MYO3A: variants seen among roughly 807,000 people sequenced by gnomAD.
The protein encoded by MYO3A is myosin-IIIa.
MYO3A carries 180 observed loss-of-function variants against 192.7 expected under a neutral mutation model. That is an observed-to-expected ratio of 0.93 (90% CI 0.83 to 1.06). MYO3A has a LOEUF of 1.06. Among genes scored for constraint, MYO3A ranks in the 50% least tolerant of loss-of-function variants. The pLI, the probability that MYO3A is intolerant of heterozygous loss-of-function variation, is 0.00. For synonymous variants in MYO3A, 628 were observed against 645.3 expected (o/e 0.97, Z 0.41); for missense variants, 1,896 against 1,905.0 (o/e 1.00, Z 0.09).
intron 4 of MYO3A, among the ~76,000 whole-genome samples, chr10:25,984,377 C>T (rs1325524799): frequency 6.6e-6 from 1 of 152,128 alleles, no homozygotes; most frequent in Admixed American, 6.5e-5. Flanking sequence ...ACTCACCTAA[C>T]ACATAAGAAC....
intron 6 of MYO3A, among the ~76,000 whole-genome samples, chr10:26,008,882 A>T (rs2130988623): frequency 6.6e-6 from 1 of 151,986 alleles, no homozygotes; most frequent in Admixed American, 6.6e-5. Context: ...TACTGGGTAT[A>T]TACCCAAAGG....
intron 4 of MYO3A, among the ~76,000 whole-genome samples, chr10:25,963,064 G>T (rs370973114): frequency 1.9e-4 from 29 of 152,214 alleles, no homozygotes; most frequent in African/African-American, 6.3e-4. Context: ...TTTCACAGTG[G>T]TGCTACAGAC....
intron 20 of MYO3A, 140 bp from the exon 21 acceptor site, chr10:26,143,308 A>G: frequency 1.7e-5 from 14 of 822,270 alleles, no homozygotes; most frequent in Non-Finnish European, 2.1e-5. Flanking sequence ...TCCAGCCTGG[A>G]CGACAGAGCG....
intron 2 of MYO3A, among the ~76,000 whole-genome samples, chr10:25,944,269 T>A (rs566371084): frequency 6.6e-6 from 1 of 152,166 alleles, no homozygotes; most frequent in African/African-American, 2.4e-5. Context: ...TGGTGTATGA[T>A]CCTTTTAATA....
At chr10:26,048,715 G>A (rs547960446) in intron 10 of MYO3A, among the ~76,000 whole-genome samples, 1 of 152,288 alleles carries the variant, frequency 6.6e-6, no homozygotes, top group South Asian at 2.1e-4. Context: ...TTGTGGTCCT[G>A]CTAAATTTGA....
In MYO3A at chr10:25,952,214, T is replaced by C. The variant is rs1361542049; in HGVS notation, c.104T>C (p.Val35Ala). Residue 35 changes from valine (V) to alanine (A), a missense_variant, in exon 3 of 35, where the codon GTT becomes GCT. Physicochemically the swap from Val to Ala is moderately conservative, Grantham distance 64. Transcript: ENST00000642920. ...ATTGGCAAAGGAACTTATGGGAAAG[T>C]TTTTAAAGTATTGAATAAGAAAAAT... ...ETIGKGTYGKVFKVLNKKNGQ... is the reference protein window; with the variant it reads ...ETIGKGTYGKAFKVLNKKNGQ... 1 of 1,612,914 alleles carries C rather than the reference T, an allele frequency of 6.2e-7. No individual in the cohort carries two copies. The highest frequency in any genetic ancestry group is 8.5e-7 in the Non-Finnish European group (1 of 1,179,280).
chr10:25,958,166 C>G (rs1222845352), intron 4 of MYO3A, among the ~76,000 whole-genome samples: 1 of 152,042 alleles, frequency 6.6e-6, no homozygotes, highest in Non-Finnish European at 1.5e-5. Flanking sequence ...TTGCTGGTTC[C>G]TATGTCCAGA....
chr10:25,995,839 T>A (rs1044796890), intron 4 of MYO3A, among the ~76,000 whole-genome samples: 3 of 152,236 alleles, frequency 2.0e-5, no homozygotes, highest in Non-Finnish European at 4.4e-5. Context: ...ACAGCAAATG[T>A]TGCTGTCTGA....
intron 10 of MYO3A, among the ~76,000 whole-genome samples, chr10:26,051,603 CA>C (rs1844009614): frequency 6.8e-6 from 1 of 147,690 alleles, no homozygotes; most frequent in Non-Finnish European, 1.5e-5. Context: ...ATATATAAAA[CA>C]TTATATATTA....
At chr10:26,133,074 C>T (rs1248217077) in intron 20 of MYO3A, among the ~76,000 whole-genome samples, 1 of 152,170 alleles carries the variant, frequency 6.6e-6, no homozygotes, top group Non-Finnish European at 1.5e-5. Context: ...AAATAACCCC[C>T]TTATCAGTGT....
At chr10:25,992,547 T>C (rs577231266) in intron 4 of MYO3A, among the ~76,000 whole-genome samples, 4 of 152,210 alleles carry the variant, frequency 2.6e-5, no homozygotes, top group South Asian at 4.1e-4. Context: ...CAACACTATG[T>C]TGAATAGGAG....
intron 10 of MYO3A, among the ~76,000 whole-genome samples, chr10:26,055,981 T>C (rs1230647552): frequency 1.3e-5 from 2 of 152,146 alleles, no homozygotes; most frequent in Non-Finnish European, 2.9e-5. Flanking sequence ...AATCACAGTT[T>C]GAAGAAACAG....
At chr10:26,002,649 A>G (rs183521949) in intron 6 of MYO3A, among the ~76,000 whole-genome samples, 1 of 152,334 alleles carries the variant, frequency 6.6e-6, no homozygotes, top group East Asian at 1.9e-4. Flanking sequence ...GTCAGGGTGG[A>G]CCAGGTAATC....
intron 5 of MYO3A, 66 bp downstream of exon 5, chr10:25,996,660 A>G: frequency 1.5e-6 from 2 of 1,318,034 alleles, no homozygotes; most frequent in Admixed American, 1.8e-5. Context: ...TGTAGATCCT[A>G]TTTTTAGAAA....
intron 31 of MYO3A, among the ~76,000 whole-genome samples, chr10:26,192,193 G>A (rs549509436): frequency 7.4e-4 from 112 of 152,310 alleles, no homozygotes; most frequent in Non-Finnish European, 6.5e-4. Context: ...GGCTCTGACG[G>A]TGTTGCTCCC....
chr10:25,938,686 A>G (rs1836276166), intron 2 of MYO3A, among the ~76,000 whole-genome samples: 1 of 152,234 alleles, frequency 6.6e-6, no homozygotes, highest in African/African-American at 2.4e-5. Flanking sequence ...ATGTGTATAA[A>G]AGTGAGACTC....
chr10:26,173,058 A>G (rs1842127740), intron 29 of MYO3A, among the ~76,000 whole-genome samples: 1 of 151,770 alleles, frequency 6.6e-6, no homozygotes, highest in Non-Finnish European at 1.5e-5. Context: ...TTGGCTAGAA[A>G]AAAAAAAAAA....
At chr10:26,127,844 A>G (rs1839307036) in intron 19 of MYO3A, among the ~76,000 whole-genome samples, 1 of 151,890 alleles carries the variant, frequency 6.6e-6, no homozygotes, top group Non-Finnish European at 1.5e-5. Context: ...ATAAATCCCT[A>G]TGTATTTGTA....
rs34918608 is a variant in MYO3A, at chr10:26,166,161, G to A, written c.3094G>A (p.Ala1032Thr). 14,435 of 1,613,232 alleles carry A rather than the reference G, an allele frequency of 8.9e-3. 94 individuals are homozygous for A. Among genetic ancestry groups the A allele is most frequent in the Non-Finnish European group, 9.9e-3 (11,711 of 1,179,442 alleles). ...GGAAAAAGCTGGTCTCGATAACTGG[G>A]CTCTTGGAAAAACAAAAGTAATGTT... ...ILEKAGLDNW[A>T]LGKTKVFLKY... The change falls in exon 27 of 35, where the codon GCT becomes ACT. Residue 1032 changes from alanine (A) to threonine (T), a missense_variant. Physicochemically the swap from Ala to Thr is moderately conservative, Grantham distance 58. Coordinates refer to ENST00000642920, the MANE Select transcript of MYO3A (RefSeq NM_017433.5).
Sources: gnomAD v4.1 joint callset for allele counts (sites outside exome capture counted in the v4.1 genomes callset) on GRCh38, gnomAD v4.1.1 for gene constraint, MANE v1.5 for transcripts, NCBI Gene and HGNC (gene_info 2026-07-23, HGNC 2026-07-21) for gene names.